The following THSD7B variants were observed in gnomAD, a reference collection of about 807,000 sequenced individuals.
THSD7B encodes the protein thrombospondin type 1 domain containing 7B.
THSD7B carries 138 observed loss-of-function variants against 213.6 expected under a neutral mutation model. That is an observed-to-expected ratio of 0.65 (90% CI 0.56 to 0.74). The LOEUF (loss-of-function observed/expected upper bound fraction) is 0.74, where lower values mean the gene tolerates loss of function less well. Among genes scored for constraint, THSD7B ranks in the 30% least tolerant of loss-of-function variants. The probability of loss-of-function intolerance (pLI) is 0.00; values close to 1 mark genes in which losing one functional copy is unlikely to be tolerated. For synonymous variants in THSD7B, 742 were observed against 687.0 expected (o/e 1.08, Z -1.25); for missense variants, 1,931 against 1,991.5 (o/e 0.97, Z 0.58).
intron 1 of THSD7B, among the ~76,000 whole-genome samples, chr2:136,767,178 T>C (rs1172929278): frequency 2.0e-5 from 3 of 152,142 alleles, no homozygotes; most frequent in Non-Finnish European, 2.9e-5. Context: ...TACTCAGCAG[T>C]TGGTGAAGGC....
chr2:137,521,421 G>A (rs1164067221), intron 15 of THSD7B, among the ~76,000 whole-genome samples: 3 of 152,020 alleles, frequency 2.0e-5, no homozygotes, highest in African/African-American at 4.8e-5. Context: ...TAAATAAATT[G>A]TAATAAGTCA....
chr2:137,390,352 A>G (rs1685992702), intron 12 of THSD7B, among the ~76,000 whole-genome samples: 1 of 152,120 alleles, frequency 6.6e-6, no homozygotes, highest in African/African-American at 2.4e-5. Context: ...CATTATTGGT[A>G]TATAGAAATG....
chr2:137,375,126 G>A (rs1685623982), intron 12 of THSD7B, among the ~76,000 whole-genome samples: 1 of 152,166 alleles, frequency 6.6e-6, no homozygotes, highest in African/African-American at 2.4e-5. Context: ...CCTCAAAGTA[G>A]TCAAATGTGC....
chr2:136,998,261 C>CAAAAAAAAAAAAAAAAAAAAGAA (rs1685931585), intron 2 of THSD7B, among the ~76,000 whole-genome samples: 7 of 98,404 alleles, frequency 7.1e-5, no homozygotes, highest in East Asian at 2.7e-4. Context: ...ACTAAAAGGC[C>CAAAAAAAAAAAAAAAAAAAAGAA]AAAAAAAAAA....
chr2:137,148,402 C>T (rs577670895), intron 5 of THSD7B, among the ~76,000 whole-genome samples: 1 of 152,182 alleles, frequency 6.6e-6, no homozygotes, highest in African/African-American at 2.4e-5. Flanking sequence ...GAGTGGGGCA[C>T]TGCTGTAAAG....
chr2:136,864,254 C>T (rs570765400), intron 1 of THSD7B, among the ~76,000 whole-genome samples: 1 of 152,226 alleles, frequency 6.6e-6, no homozygotes, highest in East Asian at 1.9e-4. Flanking sequence ...AATTGTGCCA[C>T]ATTTGGTGTT....
At chr2:137,212,622 G>T (rs1297440979) in intron 7 of THSD7B, among the ~76,000 whole-genome samples, 3 of 151,558 alleles carry the variant, frequency 2.0e-5, no homozygotes, top group Non-Finnish European at 2.9e-5. Context: ...AATGCTCGAA[G>T]GTAGGCCTCA....
At chr2:137,126,807 A>G (rs1168100392) in intron 5 of THSD7B, among the ~76,000 whole-genome samples, 3 of 151,996 alleles carry the variant, frequency 2.0e-5, no homozygotes, top group South Asian at 4.1e-4. Context: ...GAGATATATG[A>G]CTCTTCCTTT....
At chr2:137,093,052 C>T (rs1687979229) in intron 3 of THSD7B, among the ~76,000 whole-genome samples, 1 of 152,144 alleles carries the variant, frequency 6.6e-6, no homozygotes, top group African/African-American at 2.4e-5. Context: ...CCTTTTCCTC[C>T]CAAAGTATTG....
intron 15 of THSD7B, among the ~76,000 whole-genome samples, chr2:137,466,849 G>T (rs1331714974): frequency 6.6e-6 from 1 of 152,120 alleles, no homozygotes; most frequent in African/African-American, 2.4e-5. Context: ...ATGTCATAAA[G>T]ACAGAGCTTC....
intron 1 of THSD7B, among the ~76,000 whole-genome samples, chr2:136,878,706 A>C (rs190021148): frequency 3.9e-4 from 59 of 152,274 alleles, no homozygotes; most frequent in African/African-American, 1.2e-3. Flanking sequence ...TGGCTGCATA[A>C]ATGTCTTCTT....
intron 14 of THSD7B, among the ~76,000 whole-genome samples, chr2:137,450,621 C>T (rs1687629793): frequency 6.6e-6 from 1 of 152,160 alleles, no homozygotes; most frequent in South Asian, 2.1e-4. Flanking sequence ...TTTCCTGTTC[C>T]TTTCATCCCA....
chr2:137,246,399 A>C (rs188024623), intron 10 of THSD7B, among the ~76,000 whole-genome samples: 16 of 152,288 alleles, frequency 1.1e-4, no homozygotes, highest in African/African-American at 3.6e-4. Context: ...GAATCACTGG[A>C]TTATGAAAAT....
chr2:137,432,663 T>G (rs564503067), intron 14 of THSD7B, among the ~76,000 whole-genome samples: 38 of 152,350 alleles, frequency 2.5e-4, no homozygotes, highest in Admixed American at 2.2e-3. Context: ...ACACATTTCA[T>G]GTACCATGTG....
chr2:137,424,374 G>T (rs1351777439), intron 14 of THSD7B, among the ~76,000 whole-genome samples: 1 of 152,088 alleles, frequency 6.6e-6, no homozygotes, highest in Non-Finnish European at 1.5e-5. Flanking sequence ...TAACTAAAGA[G>T]GCTAGCATGA....
intron 2 of THSD7B, among the ~76,000 whole-genome samples, chr2:136,976,229 G>T (rs1230031861): frequency 6.6e-6 from 1 of 152,200 alleles, no homozygotes; most frequent in Non-Finnish European, 1.5e-5. Flanking sequence ...GTGAGAGAGG[G>T]CAGCCTTGCC....
intron 17 of THSD7B, among the ~76,000 whole-genome samples, chr2:137,577,604 A>T (rs1042955628): frequency 2.0e-5 from 3 of 152,040 alleles, no homozygotes; most frequent in African/African-American, 7.2e-5. Flanking sequence ...CTGCTTCAAC[A>T]ATTATCTACA....
intron 12 of THSD7B, among the ~76,000 whole-genome samples, chr2:137,331,892 G>T (rs556645964): frequency 1.9e-3 from 288 of 152,232 alleles, no homozygotes; most frequent in African/African-American, 6.4e-3. Flanking sequence ...GGGCCGGCCG[G>T]CTGCTCCAAG....
chr2:137,144,065 G>A (rs1330968665), intron 5 of THSD7B, among the ~76,000 whole-genome samples: 1 of 151,824 alleles, frequency 6.6e-6, no homozygotes, highest in Admixed American at 6.6e-5. Context: ...ACATGGGTAG[G>A]GCAACAGACA....
Sources: gnomAD v4.1 joint callset for allele counts (sites outside exome capture counted in the v4.1 genomes callset) on GRCh38, gnomAD v4.1.1 for gene constraint, MANE v1.5 for transcripts, NCBI Gene and HGNC (gene_info 2026-07-23, HGNC 2026-07-21) for gene names.